PHLDB2: variants seen among roughly 807,000 people sequenced by gnomAD.
The protein encoded by PHLDB2 is pleckstrin homology-like domain family B member 2.
Under a neutral mutation model 123.6 loss-of-function variants are expected in PHLDB2, and 71 were observed. The ratio of observed to expected loss-of-function variants is 0.57; its 90% CI spans 0.47 to 0.70. The LOEUF (loss-of-function observed/expected upper bound fraction) is 0.70. Among genes scored for constraint, PHLDB2 ranks in the 30% least tolerant of loss-of-function variants. PHLDB2 has a pLI of 0.00. For missense variants in PHLDB2, 1,446 were observed against 1,519.5 expected (o/e 0.95, Z 0.80); for synonymous variants, 547 against 541.6 (o/e 1.01, Z -0.14).
At chr3:111,754,879 A>G (rs2059855321) in intron 1 of PHLDB2, among the ~76,000 whole-genome samples, 5 of 144,642 alleles carry the variant, frequency 3.5e-5, no homozygotes, top group Admixed American at 3.4e-4. Context: ...GAATTTTGTC[A>G]AAGGCCTTTT....
intron 1 of PHLDB2, among the ~76,000 whole-genome samples, chr3:111,799,363 G>A (rs1324725072): frequency 2.0e-5 from 3 of 152,196 alleles, no homozygotes; most frequent in Non-Finnish European, 2.9e-5. Context: ...GTAAATAAAA[G>A]AGGAATAGTA....
At chr3:111,899,220 C>T (rs1387635721) in intron 2 of PHLDB2, among the ~76,000 whole-genome samples, 1 of 152,150 alleles carries the variant, frequency 6.6e-6, no homozygotes, top group Non-Finnish European at 1.5e-5. Flanking sequence ...TTTATCAGAG[C>T]TCTTGAGTGA....
At chr3:111,959,250 C>T (rs376389883) in intron 12 of PHLDB2, among the ~76,000 whole-genome samples, 6 of 152,226 alleles carry the variant, frequency 3.9e-5, no homozygotes, top group African/African-American at 1.4e-4. Flanking sequence ...AGGAGAGGGG[C>T]CCATGCCCGT....
chr3:111,897,900 C>T (rs924490578), intron 2 of PHLDB2, among the ~76,000 whole-genome samples: 3 of 152,126 alleles, frequency 2.0e-5, no homozygotes, highest in Non-Finnish European at 2.9e-5. Context: ...AAGCAAGTGA[C>T]GCAAATTTTT....
chr3:111,813,347 TA>T (rs1479700016), intron 1 of PHLDB2, among the ~76,000 whole-genome samples: 28 of 152,334 alleles, frequency 1.8e-4, no homozygotes, highest in East Asian at 1.7e-3. Context: ...GAGGCTTAGA[TA>T]TTTTTTTTAA....
intron 16 of PHLDB2, among the ~76,000 whole-genome samples, chr3:111,972,850 C>T (rs142565213): frequency 6.6e-6 from 1 of 152,178 alleles, no homozygotes; most frequent in Non-Finnish European, 1.5e-5. Flanking sequence ...TGCACACACA[C>T]GAGATCTTAT....
intron 1 of PHLDB2, among the ~76,000 whole-genome samples, chr3:111,882,017 G>T (rs909671866): frequency 7.9e-5 from 12 of 151,956 alleles, no homozygotes; most frequent in Non-Finnish European, 1.8e-4. Flanking sequence ...TAAAAAAGCT[G>T]CCCTGATTAT....
At chr3:111,755,571 T>C (rs2107986857) in intron 1 of PHLDB2, among the ~76,000 whole-genome samples, 1 of 148,508 alleles carries the variant, frequency 6.7e-6, no homozygotes, top group East Asian at 2.0e-4. Context: ...GCTAGTGGTC[T>C]ATCAATTTTG....
intron 1 of PHLDB2, among the ~76,000 whole-genome samples, chr3:111,803,502 G>A (rs779068003): frequency 4.0e-5 from 6 of 150,356 alleles, no homozygotes; most frequent in Non-Finnish European, 7.4e-5. Flanking sequence ...CCCAGAATTC[G>A]AGCTGTGAGA....
At chr3:111,901,911 G>A (rs2067226712) in intron 2 of PHLDB2, among the ~76,000 whole-genome samples, 2 of 151,850 alleles carry the variant, frequency 1.3e-5, no homozygotes, top group South Asian at 4.2e-4. Flanking sequence ...ACTTATGGCC[G>A]GTTTTTTTCA....
In PHLDB2 at chr3:111,964,847, G is replaced by A. The variant is rs564419844; in HGVS notation, c.3078-1766G>A. ...TATATGAAAAAAAGGGATAAATGGG[G>A]ATTAGGCTATTGGTGAGTTTGTTTT... is the stretch of plus-strand genomic sequence containing the variant. On this transcript the variant is annotated intron_variant, in intron 13 of 17. Coordinates refer to ENST00000431670, the MANE Select transcript of PHLDB2 (RefSeq NM_001134438.2). 9.0e-4 allele frequency among the ~76,000 whole-genome samples: 137 copies of A among 152,232 alleles called. 3 individuals carry two copies. In the South Asian group the frequency reaches 0.013, roughly 14 times the overall value.
chr3:111,815,556 G>T (rs1167140589), intron 1 of PHLDB2, among the ~76,000 whole-genome samples: 1 of 152,162 alleles, frequency 6.6e-6, no homozygotes, highest in Admixed American at 6.5e-5. Context: ...CTTCCCTAGA[G>T]ATTTGTGGAA....
At chr3:111,852,524 T>C (rs1162594272) in intron 2 of PHLDB2, among the ~76,000 whole-genome samples, 1 of 151,824 alleles carries the variant, frequency 6.6e-6, no homozygotes, top group African/African-American at 2.4e-5. Flanking sequence ...GAAAGTCAGA[T>C]GAAAGGAAAA....
chr3:111,784,154 C>A (rs966432747), intron 1 of PHLDB2, among the ~76,000 whole-genome samples: 12 of 151,980 alleles, frequency 7.9e-5, no homozygotes, highest in African/African-American at 2.4e-4. Flanking sequence ...TTCTAACAGG[C>A]AATAAATATC....
chr3:111,884,229 C>T lies in PHLDB2; in HGVS notation c.152C>T (p.Ala51Val). ...TACTCTTCCAGTCTGAGATTTAAAG[C>T]CAATGGAGACTATTCTGGCTCCTAT... The part of the protein sequence containing the change: ...KKYSSSLRFK[A>V]NGDYSGSYLT... Residue 51 changes from alanine to valine, a missense_variant, in exon 2 of 18, where the codon GCC becomes GTC. Transcript: ENST00000431670. 1 of 1,614,138 alleles carries T rather than the reference C, an allele frequency of 6.2e-7. No individual in the cohort carries two copies. Among genetic ancestry groups the T allele is most frequent in the Non-Finnish European group, 8.5e-7 (1 of 1,179,990 alleles).
At chr3:111,779,167 C>T (rs927820967) in intron 1 of PHLDB2, among the ~76,000 whole-genome samples, 3 of 152,094 alleles carry the variant, frequency 2.0e-5, no homozygotes, top group Non-Finnish European at 4.4e-5. Flanking sequence ...TTAAGAAGCA[C>T]TGTTCTATAG....
intron 1 of PHLDB2, among the ~76,000 whole-genome samples, chr3:111,757,282 A>T (rs908571497): frequency 3.3e-5 from 5 of 152,186 alleles, no homozygotes; most frequent in African/African-American, 1.2e-4. Context: ...ACTTTCAGGT[A>T]CACCAATCAG....
chr3:111,897,490 G>A (rs924298025), intron 2 of PHLDB2, among the ~76,000 whole-genome samples: 12 of 152,216 alleles, frequency 7.9e-5, no homozygotes, highest in African/African-American at 2.9e-4. Flanking sequence ...GTTGCAAATA[G>A]CCAAAAGCTT....
intron 1 of PHLDB2, among the ~76,000 whole-genome samples, chr3:111,844,442 C>G (rs2063846884): frequency 6.6e-6 from 1 of 152,164 alleles, no homozygotes; most frequent in African/African-American, 2.4e-5. Context: ...GTCACTTACC[C>G]AAATCAAACT....
Sources: allele counts gnomAD v4.1 joint callset (sites outside exome capture counted in the v4.1 genomes callset), GRCh38; gene constraint gnomAD v4.1.1; transcripts MANE v1.5; gene names NCBI Gene and HGNC (gene_info 2026-07-23, HGNC 2026-07-21).